KCNQ4: variants seen among roughly 807,000 people sequenced by gnomAD.
KCNQ4 encodes the protein potassium voltage-gated channel subfamily KQT member 4.
In KCNQ4, 31 loss-of-function variants were observed where a neutral mutation model predicts 72.6. The ratio of observed to expected loss-of-function variants is 0.43; its 90% CI spans 0.32 to 0.58. The LOEUF is 0.58. KCNQ4 is among the 20% of genes least tolerant of loss of function. KCNQ4 has a pLI of 0.08. For missense variants in KCNQ4, 869 were observed against 962.6 expected (o/e 0.90, Z 1.29); for synonymous variants, 405 against 403.7 (o/e 1.00, Z -0.04).
intron 1 of KCNQ4, among the ~76,000 whole-genome samples, chr1:40,790,265 G>T (rs1234022211): frequency 1.3e-5 from 2 of 152,188 alleles, no homozygotes; most frequent in Non-Finnish European, 2.9e-5. Context: ...AGATTGTCAG[G>T]ACTGGATGAG....
chr1:40,790,954 C>T (rs994600427), intron 1 of KCNQ4, among the ~76,000 whole-genome samples: 4 of 152,126 alleles, frequency 2.6e-5, no homozygotes, highest in African/African-American at 4.8e-5. Flanking sequence ...GGCCACTGTG[C>T]GGCCGAGTTT....
Position 40,818,676 on chromosome 1 carries a change from G to A in KCNQ4, c.704G>A (p.Ser235Asn). The change falls in exon 4 of 14, where the codon AGC (serine) becomes AAC (asparagine). Residue 235 changes from serine (S) to asparagine (N), a missense_variant. Transcript: ENST00000347132. ...CTGGGCTCAGTGGTCTACGCGCATAGCAAGGTGAGGCCTGCAAGCCGCGCG... is the reference window on the plus strand; with the variant it reads ...CTGGGCTCAGTGGTCTACGCGCATAACAAGGTGAGGCCTGCAAGCCGCGCG... ...KLLGSVVYAH[S>N]KELITAWYIG... 1 of 1,599,488 alleles carries A rather than the reference G, an allele frequency of 6.3e-7. No individual in the cohort carries two copies. Among genetic ancestry groups the A allele is most frequent in the Non-Finnish European group, 8.5e-7 (1 of 1,176,540 alleles).
chr1:40,791,014 A>G (rs988375797), intron 1 of KCNQ4, among the ~76,000 whole-genome samples: 3 of 152,074 alleles, frequency 2.0e-5, no homozygotes, highest in African/African-American at 4.8e-5. Context: ...GAGAGATAAA[A>G]GTAGAGCCAT....
intron 1 of KCNQ4, among the ~76,000 whole-genome samples, chr1:40,809,531 TCTC>T (rs1647862621): frequency 6.6e-6 from 1 of 152,124 alleles, no homozygotes; most frequent in Non-Finnish European, 1.5e-5. Context: ...GAGAAGTTGT[TCTC>T]CTTCCTAGTT....
At position 40,817,205 on chromosome 1, in the gene KCNQ4, G is replaced by A; in HGVS notation, c.315-60G>A. 1 of 1,371,804 alleles carries A rather than the reference G, an allele frequency of 7.3e-7. No individual in the cohort carries two copies. Among genetic ancestry groups the A allele is most frequent in the Non-Finnish European group, 1.0e-6 (1 of 965,180 alleles). 85.0% of individuals were successfully genotyped at this position (1,371,804 alleles called of 1,614,324 possible). On this transcript the variant is annotated intron_variant, in intron 1 of 13. Transcript: ENST00000347132. This position sits in a 1 kb window ranked among gnomAD's most constrained non-coding sequence, Gnocchi z 5.5. ...TTGGCTCTGTAACCCCCTGCCAGGGGCACCTTGGCTGTCCTGTCCCTCCAA... is the reference window on the plus strand; with the variant it reads ...TTGGCTCTGTAACCCCCTGCCAGGGACACCTTGGCTGTCCTGTCCCTCCAA...
intron 4 of KCNQ4, 58 bp downstream of exon 4, chr1:40,818,738 C>A: frequency 6.5e-7 from 1 of 1,527,316 alleles, no homozygotes; most frequent in Non-Finnish European, 8.8e-7. Flanking sequence ...ACGACCAGAG[C>A]GGGCAGGGCG....
At chr1:40,831,544 C>T (rs1281798914) in intron 10 of KCNQ4, among the ~76,000 whole-genome samples, 1 of 152,246 alleles carries the variant, frequency 6.6e-6, no homozygotes, top group South Asian at 2.1e-4. Context: ...GTTAGCAGCA[C>T]AGGCTTTGGA....
intron 1 of KCNQ4, among the ~76,000 whole-genome samples, chr1:40,798,772 C>G (rs201247759): frequency 6.6e-6 from 1 of 152,226 alleles, no homozygotes; most frequent in African/African-American, 2.4e-5. Context: ...GGCTGGAACT[C>G]AAGCCACACC....
At chr1:40,833,904 G>A (rs966003269) in intron 11 of KCNQ4, among the ~76,000 whole-genome samples, 1 of 152,074 alleles carries the variant, frequency 6.6e-6, no homozygotes, top group Non-Finnish European at 1.5e-5. Flanking sequence ...AGCTACTTGG[G>A]AGGCCAAGGT....
chr1:40,797,013 G>A (rs369711058), intron 1 of KCNQ4, among the ~76,000 whole-genome samples: 34 of 152,138 alleles, frequency 2.2e-4, no homozygotes, highest in Admixed American at 5.2e-4. Context: ...TCCCTCTCTC[G>A]CCCTTTCATT....
At chr1:40,806,860 C>T (rs931234945) in intron 1 of KCNQ4, among the ~76,000 whole-genome samples, 2 of 152,172 alleles carry the variant, frequency 1.3e-5, no homozygotes, top group African/African-American at 4.8e-5. Context: ...GAAAGACAAT[C>T]CGATTGGCTC....
Position 40,794,621 on chromosome 1 carries a change from G to C in KCNQ4, c.314+10214G>C, listed in dbSNP as rs1647356023. On this transcript the variant is annotated intron_variant, in intron 1 of 13. Coordinates refer to ENST00000347132, the MANE Select transcript of KCNQ4 (RefSeq NM_004700.4). This position sits in a 1 kb window ranked among gnomAD's most constrained non-coding sequence, Gnocchi z 4.2. ...GGCAAAACTGAGGAGAATAAGGACG[G>C]GGTGGCGACTCTTTCATAAAGCTAA... is the stretch of plus-strand genomic sequence containing the variant. Among the ~76,000 whole-genome samples, 1 of 152,196 alleles carries C rather than the reference G, an allele frequency of 6.6e-6. No homozygotes were observed. Among genetic ancestry groups the C allele is most frequent in the South Asian group, 2.1e-4 (1 of 4,820 alleles).
chr1:40,830,613 C>T (rs1280503935), intron 9 of KCNQ4, among the ~76,000 whole-genome samples: 2 of 152,130 alleles, frequency 1.3e-5, no homozygotes, highest in Admixed American at 6.5e-5. Flanking sequence ...CTCCACACAG[C>T]CTGCCCCTGT....
intron 1 of KCNQ4, among the ~76,000 whole-genome samples, chr1:40,797,420 C>T (rs1303430864): frequency 1.3e-5 from 2 of 152,190 alleles, no homozygotes; most frequent in African/African-American, 4.8e-5. Context: ...TTGCAAAGAA[C>T]AGCAAGAAGT....
At chr1:40,818,998 T>G in intron 4 of KCNQ4, 1 of 560,912 alleles carries the variant, frequency 1.8e-6, no homozygotes, top group Non-Finnish European at 3.3e-6. Flanking sequence ...GAGGTGGGAC[T>G]TGAGGGTGGG....
chr1:40,813,008 T>G (rs1295573796), intron 1 of KCNQ4, among the ~76,000 whole-genome samples: 1 of 152,090 alleles, frequency 6.6e-6, no homozygotes. Context: ...GGAACAGACC[T>G]GGGTGAGGCA....
At chr1:40,808,006 C>T (rs1440258133) in intron 1 of KCNQ4, among the ~76,000 whole-genome samples, 1 of 150,988 alleles carries the variant, frequency 6.6e-6, no homozygotes, top group African/African-American at 2.5e-5. Context: ...ACTCAGGAGG[C>T]TGAGGCAGGC....
In KCNQ4 at chr1:40,819,476, C is replaced by G; in HGVS notation, c.834+4C>G. 6.2e-7 allele frequency: 1 copy of G among 1,613,754 alleles called. No homozygotes were observed. Among genetic ancestry groups the G allele is most frequent in the Middle Eastern group, 1.7e-4 (1 of 6,060 alleles). ...CGACTCGCTCTGGTGGGGGACGGTG[C>G]GTGAGGGTCTTTGTAGGGCTGCCCT... On this transcript the variant is annotated splice_donor_region_variant and intron_variant, in intron 5 of 13. Coordinates refer to ENST00000347132, the MANE Select transcript of KCNQ4 (RefSeq NM_004700.4).
intron 1 of KCNQ4, among the ~76,000 whole-genome samples, chr1:40,789,135 G>A (rs1410371193): frequency 2.0e-5 from 3 of 152,194 alleles, no homozygotes; most frequent in Non-Finnish European, 2.9e-5. Flanking sequence ...TTGGAGGGCA[G>A]CCTCAGAACT....
Sources: gnomAD v4.1 joint callset for allele counts (sites outside exome capture counted in the v4.1 genomes callset) on GRCh38, gnomAD v4.1.1 for gene constraint, Gnocchi (gnomAD v3.1) non-coding constraint, MANE v1.5 for transcripts, NCBI Gene and HGNC (gene_info 2026-07-23, HGNC 2026-07-21) for gene names.